Variants in TLL2 observed in about 807,000 individuals in gnomAD.
TLL2 encodes tolloid like 2.
TLL2 carries 106 observed loss-of-function variants against 123.0 expected under a neutral mutation model. The observed-to-expected ratio is 0.86, with a 90% CI of 0.74 to 1.01. The LOEUF (loss-of-function observed/expected upper bound fraction) is 1.01. Ranked by LOEUF, TLL2 falls within the 50% of genes least tolerant of loss-of-function variation. The pLI is 0.00. For synonymous variants in TLL2, 494 were observed against 516.8 expected, an observed-to-expected ratio of 0.96 and a Z score of 0.60; for missense variants, 1,332 against 1,336.7, an observed-to-expected ratio of 1.00 and a Z score of 0.06.
At chr10:96,432,783 C>T (rs1361380860) in intron 4 of TLL2, 24 bp downstream of exon 4, 1 of 1,608,702 alleles carries the variant, frequency 6.2e-7, no homozygotes, top group African/African-American at 1.3e-5. Context: ...TGACCCAAAG[C>T]AGACCTTGTC....
chr10:96,421,194 G>A, intron 6 of TLL2, 133 bp from the exon 7 acceptor site: 1 of 656,830 alleles, frequency 1.5e-6, no homozygotes, highest in Non-Finnish European at 2.7e-6. Flanking sequence ...AACAGGGCTT[G>A]TAGTGGTTCT....
chr10:96,479,247 C>T (rs934610835), intron 2 of TLL2, among the ~76,000 whole-genome samples: 1 of 152,172 alleles, frequency 6.6e-6, no homozygotes, highest in Non-Finnish European at 1.5e-5. Context: ...TACATAATTG[C>T]CCCACCTTCC....
chr10:96,373,046 TG>T (rs1564892750), intron 19 of TLL2: 2 of 152,232 alleles, frequency 1.3e-5, no homozygotes, highest in African/African-American at 2.4e-5. Flanking sequence ...GAGGAAAAAA[TG>T]GGGCACTAAC....
chr10:96,512,782 C>A (rs1847644055), intron 1 of TLL2, among the ~76,000 whole-genome samples: 1 of 152,240 alleles, frequency 6.6e-6, no homozygotes, highest in Admixed American at 6.5e-5. Flanking sequence ...CCGCTCCCCT[C>A]AGGACTCACG....
chr10:96,415,731 C>CTCTT, intron 7 of TLL2, among the ~76,000 whole-genome samples: 1 of 80,292 alleles, frequency 1.2e-5, no homozygotes, highest in Non-Finnish European at 2.4e-5. Flanking sequence ...CTCTCTCTGT[C>CTCTT]TCTCTCTGTC....
chr10:96,407,767 C>A (rs926093542), intron 9 of TLL2, among the ~76,000 whole-genome samples: 1 of 152,200 alleles, frequency 6.6e-6, no homozygotes, highest in Non-Finnish European at 1.5e-5. Context: ...GAAACGAAGT[C>A]AGTGCCAGGA....
Position 96,410,345 on chromosome 10 carries a change from G to A in TLL2, c.1164+14C>T. Reference sequence around the variant, plus strand: ...GGAGTGCCGTCCCATTTGCCAAGGGGGCTTCCCACCTACCTTTTCCCCTGG... The same window carrying A: ...GGAGTGCCGTCCCATTTGCCAAGGGAGCTTCCCACCTACCTTTTCCCCTGG... On this transcript the variant is annotated intron_variant, in intron 9 of 20. Transcript: ENST00000357947. The A allele has an allele frequency of 1.2e-6, 2 of 1,604,946 alleles. No individual in the cohort carries two copies. Among genetic ancestry groups the A allele is most frequent in the South Asian group, 1.1e-5 (1 of 90,698 alleles).
At chr10:96,396,106 G>C in intron 11 of TLL2, 86 bp from the exon 12 acceptor site, 1 of 1,524,372 alleles carries the variant, frequency 6.6e-7, no homozygotes, top group Non-Finnish European at 8.9e-7. Flanking sequence ...GGGGGGAACA[G>C]CGCTTGCCAC....
Position 96,396,084 on chromosome 10 carries a change from G to C in TLL2, c.1385-64C>G. ...TGGTCAGATCTTACTTAGGAAGGAA[G>C]GTTGGGGAGGCGGGGGGAACAGCGC... On this transcript the variant is annotated intron_variant, in intron 11 of 20. Coordinates refer to ENST00000357947, the MANE Select transcript of TLL2 (RefSeq NM_012465.4). The C allele has an allele frequency of 1.9e-6, 3 of 1,566,970 alleles. No homozygotes were observed. In the African/African-American group the frequency reaches 4.1e-5, roughly 21 times the overall value.
At chr10:96,405,610 C>T (rs1038521670) in intron 9 of TLL2, among the ~76,000 whole-genome samples, 2 of 152,076 alleles carry the variant, frequency 1.3e-5, no homozygotes, top group Non-Finnish European at 2.9e-5. Context: ...TTACAGAAAG[C>T]GAGATGCATT....
At chr10:96,374,931 T>A (rs1191058268) in intron 18 of TLL2, among the ~76,000 whole-genome samples, 1 of 115,086 alleles carries the variant, frequency 8.7e-6, no homozygotes, top group Non-Finnish European at 1.6e-5. Context: ...TTGGACCAAA[T>A]GACAGAGCAG....
At chr10:96,388,928 T>C (rs905887613) in intron 13 of TLL2, among the ~76,000 whole-genome samples, 50 of 152,234 alleles carry the variant, frequency 3.3e-4, no homozygotes, top group Non-Finnish European at 2.2e-4. Context: ...TAGGGGAGAT[T>C]GCGTTTAGAG....
chr10:96,495,284 C>T (rs1182527587), intron 1 of TLL2, among the ~76,000 whole-genome samples: 1 of 152,062 alleles, frequency 6.6e-6, no homozygotes, highest in Non-Finnish European at 1.5e-5. Context: ...GAAATCCTAC[C>T]CACAGATGCA....
chr10:96,512,932 AC>A (rs1847645610), intron 1 of TLL2, among the ~76,000 whole-genome samples: 1 of 152,154 alleles, frequency 6.6e-6, no homozygotes, highest in Admixed American at 6.5e-5. Context: ...GCCCAGAGCG[AC>A]CCTCAGGCCG....
chr10:96,438,764 C>T (rs1426704211), intron 3 of TLL2, among the ~76,000 whole-genome samples: 2 of 152,196 alleles, frequency 1.3e-5, no homozygotes, highest in African/African-American at 4.8e-5. Context: ...GGTCTTTCGA[C>T]CATTGAGTAT....
Position 96,499,465 on chromosome 10 carries a change from C to T in TLL2, c.175+14046G>A, listed in dbSNP as rs116365956. ...CTTTTCCTAGTTGATAATTATATTA[C>T]ATTTTCTAATTACTGTTCAAATTAC... On this transcript the variant is annotated intron_variant, in intron 1 of 20. Coordinates refer to ENST00000357947, the MANE Select transcript of TLL2 (RefSeq NM_012465.4). Among the ~76,000 whole-genome samples, 1,323 of 152,288 alleles carry T rather than the reference C, an allele frequency of 8.7e-3. 25 individuals carry two copies. Among genetic ancestry groups the T allele is most frequent in the African/African-American group, 0.03 (1,254 of 41,546 alleles).
In TLL2 at chr10:96,497,605, C is replaced by T. The variant is rs753984768; in HGVS notation, c.175+15906G>A. On this transcript the variant is annotated intron_variant, in intron 1 of 20. Transcript: ENST00000357947. ...AGGTCTAGCCATAGACACATCCCTC[C>T]GCAACTTCCCCTCCTACCCAGTTCC... 7.2e-5 allele frequency among the ~76,000 whole-genome samples: 11 copies of T among 152,296 alleles called. No individual in the cohort carries two copies. The East Asian group carries it at 1.4e-3, about 19-fold the overall frequency.
intron 1 of TLL2, among the ~76,000 whole-genome samples, chr10:96,509,322 C>T (rs1291942816): frequency 6.6e-6 from 1 of 152,132 alleles, no homozygotes; most frequent in Non-Finnish European, 1.5e-5. Context: ...TTGTTCTACC[C>T]CACTGGTCTG....
intron 3 of TLL2, among the ~76,000 whole-genome samples, chr10:96,445,467 C>G (rs1247086925): frequency 6.6e-6 from 1 of 152,204 alleles, no homozygotes; most frequent in East Asian, 1.9e-4. Context: ...TCCTGGCTAC[C>G]TGCCCACAGC....
Sources: allele counts gnomAD v4.1 joint callset (sites outside exome capture counted in the v4.1 genomes callset), GRCh38; gene constraint gnomAD v4.1.1; transcripts MANE v1.5; gene names NCBI Gene and HGNC (gene_info 2026-07-23, HGNC 2026-07-21).